Variants in PALM2AKAP2 observed in about 807,000 individuals in gnomAD.
PALM2AKAP2 encodes the protein PALM2 and AKAP2 fusion.
A neutral mutation model predicts 71.5 loss-of-function variants in PALM2AKAP2; 37 were observed. The ratio of observed to expected loss-of-function variants is 0.52; its 90% CI spans 0.40 to 0.68. The LOEUF (loss-of-function observed/expected upper bound fraction) is 0.68. Ranked by LOEUF, PALM2AKAP2 falls within the 30% of genes least tolerant of loss-of-function variation. The pLI is 0.00. For synonymous variants in PALM2AKAP2, 468 were observed against 478.8 expected (o/e 0.98, Z 0.29); for missense variants, 1,224 against 1,191.8 (o/e 1.03, Z -0.40).
intron 2 of PALM2AKAP2, among the ~76,000 whole-genome samples, chr9:110,152,242 A>G (rs1587866416): frequency 1.3e-5 from 1 of 74,170 alleles, no homozygotes; most frequent in East Asian, 2.7e-3. Context: ...AAAAAAATGA[A>G]AGAAAAAAAA....
At chr9:109,672,712 T>A (rs1220036263) in intron 1 of PALM2AKAP2, among the ~76,000 whole-genome samples, 2 of 152,174 alleles carry the variant, frequency 1.3e-5, no homozygotes, top group African/African-American at 2.4e-5. Flanking sequence ...CTGGTAGAAT[T>A]TGGCTATGAA....
At chr9:110,107,652 C>T (rs560050965) in intron 1 of PALM2AKAP2, among the ~76,000 whole-genome samples, 1 of 152,240 alleles carries the variant, frequency 6.6e-6, no homozygotes, top group South Asian at 2.1e-4. Context: ...CTGCAACTTC[C>T]TCCTCCCGGG....
chr9:110,108,639 C>A (rs1407739314), intron 1 of PALM2AKAP2, among the ~76,000 whole-genome samples: 1 of 151,980 alleles, frequency 6.6e-6, no homozygotes, highest in Non-Finnish European at 1.5e-5. Flanking sequence ...AAAATCGTGA[C>A]CCATATAGCT....
chr9:109,810,609 A>G (rs1827703984), intron 1 of PALM2AKAP2, among the ~76,000 whole-genome samples: 1 of 152,120 alleles, frequency 6.6e-6, no homozygotes, highest in South Asian at 2.1e-4. Context: ...AGGCAGCAGG[A>G]GTGTTGACTC....
chr9:109,920,136 C>T (rs1247652039), intron 3 of PALM2AKAP2, among the ~76,000 whole-genome samples: 1 of 152,202 alleles, frequency 6.6e-6, no homozygotes, highest in Non-Finnish European at 1.5e-5. Context: ...AGAGGACAAG[C>T]TCAACTGGGC....
chr9:109,732,022 T>C (rs1380811911), intron 1 of PALM2AKAP2, among the ~76,000 whole-genome samples: 1 of 152,202 alleles, frequency 6.6e-6, no homozygotes, highest in South Asian at 2.1e-4. Context: ...CTGGGTACTT[T>C]CGTGCCTTCA....
chr9:109,880,640 G>C (rs778782143), exon 3 of PALM2AKAP2: 1 of 1,614,082 alleles, frequency 6.2e-7, no homozygotes, highest in South Asian at 1.1e-5. Flanking sequence ...AGTCTGAAGA[G>C]GATGAGTTCA....
intron 7 of PALM2AKAP2, chr9:110,024,820 T>G: frequency 1.5e-6 from 1 of 680,552 alleles, no homozygotes; most frequent in Non-Finnish European, 2.6e-6. Flanking sequence ...TGTCTTGGGT[T>G]TTTTGTTTTT....
intron 1 of PALM2AKAP2, among the ~76,000 whole-genome samples, chr9:109,694,946 T>C (rs973222012): frequency 6.6e-6 from 1 of 152,246 alleles, no homozygotes; most frequent in Non-Finnish European, 1.5e-5. Context: ...AATTAATGCA[T>C]GGTATTAGGA....
intron 1 of PALM2AKAP2, among the ~76,000 whole-genome samples, chr9:109,739,931 A>C (rs1465863001): frequency 2.0e-5 from 3 of 152,194 alleles, no homozygotes; most frequent in Non-Finnish European, 2.9e-5. Flanking sequence ...TCTCATCTTA[A>C]GGTCTTGTCA....
chr9:109,948,895 CTGATGTGCCATT>C (rs375462515), intron 6 of PALM2AKAP2, among the ~76,000 whole-genome samples: 64 of 152,274 alleles, frequency 4.2e-4, no homozygotes, highest in African/African-American at 1.4e-3. Flanking sequence ...AAAAATAGTA[CTGATGTGCCATT>C]TGACAGTTTG....
At chr9:109,887,009 A>G (rs1829980114) in intron 3 of PALM2AKAP2, among the ~76,000 whole-genome samples, 1 of 152,204 alleles carries the variant, frequency 6.6e-6, no homozygotes, top group Non-Finnish European at 1.5e-5. Context: ...ATCAGGATAG[A>G]AGTGTACTTT....
At chr9:109,918,796 G>C (rs1038584036) in intron 3 of PALM2AKAP2, among the ~76,000 whole-genome samples, 5 of 152,196 alleles carry the variant, frequency 3.3e-5, no homozygotes, top group Non-Finnish European at 5.9e-5. Flanking sequence ...AGAAAAATCT[G>C]CTATTGGATC....
At chr9:109,657,395 A>G in intron 1 of PALM2AKAP2, among the ~76,000 whole-genome samples, 1 of 152,000 alleles carries the variant, frequency 6.6e-6, no homozygotes, top group Non-Finnish European at 1.5e-5. Flanking sequence ...GGGAGGAATC[A>G]GCCAGTTGTT....
At chr9:110,163,819 G>A (rs1025610091) in intron 3 of PALM2AKAP2, among the ~76,000 whole-genome samples, 3 of 151,832 alleles carry the variant, frequency 2.0e-5, no homozygotes, top group South Asian at 2.1e-4. Context: ...TTTTCTTACC[G>A]TTAGAAATAA....
At chr9:110,147,307 A>T (rs1010508336) in intron 2 of PALM2AKAP2, among the ~76,000 whole-genome samples, 2 of 151,942 alleles carry the variant, frequency 1.3e-5, no homozygotes, top group Non-Finnish European at 2.9e-5. Flanking sequence ...CTAAAATATG[A>T]CAGTCACTTC....
chr9:109,936,973 G>T (rs780412736), intron 6 of PALM2AKAP2, among the ~76,000 whole-genome samples: 2 of 152,186 alleles, frequency 1.3e-5, no homozygotes, highest in Non-Finnish European at 2.9e-5. Flanking sequence ...GAATAGTCTT[G>T]TTTTGTATGC....
At chr9:109,753,483 T>A (rs1295504866) in intron 1 of PALM2AKAP2, among the ~76,000 whole-genome samples, 1 of 152,150 alleles carries the variant, frequency 6.6e-6, no homozygotes, top group East Asian at 1.9e-4. Flanking sequence ...TGAAAGACAG[T>A]TTGTGACAAA....
chr9:109,934,027 C>T (rs575837379), intron 6 of PALM2AKAP2, among the ~76,000 whole-genome samples: 3 of 152,310 alleles, frequency 2.0e-5, no homozygotes, highest in Non-Finnish European at 4.4e-5. Flanking sequence ...ACAAATGTCA[C>T]TTGTCATTAC....
Sources: gnomAD v4.1 joint callset for allele counts (sites outside exome capture counted in the v4.1 genomes callset) on GRCh38, gnomAD v4.1.1 for gene constraint, MANE v1.5 for transcripts, NCBI Gene and HGNC (gene_info 2026-07-23, HGNC 2026-07-21) for gene names.